Variants in ARMC9 observed in about 807,000 individuals in gnomAD.
ARMC9 encodes armadillo repeat containing 9, also known as lisH domain-containing protein ARMC9.
A neutral mutation model predicts 107.0 loss-of-function variants in ARMC9; 94 were observed. That is an observed-to-expected ratio of 0.88 (90% CI 0.74 to 1.04). ARMC9 has a LOEUF of 1.04. ARMC9 is among the 50% of genes least tolerant of loss of function. The pLI is 0.00. For missense variants in ARMC9, 942 were observed against 1,030.1 expected (o/e 0.91, Z 1.17); for synonymous variants, 380 against 396.9 (o/e 0.96, Z 0.51).
chr2:231,208,968 C>T (rs190067366), intron 3 of ARMC9, among the ~76,000 whole-genome samples: 2 of 152,178 alleles, frequency 1.3e-5, no homozygotes, highest in African/African-American at 2.4e-5. Context: ...GTGGTACGAT[C>T]TCGGCTCATC....
intron 23 of ARMC9, among the ~76,000 whole-genome samples, chr2:231,368,883 A>G (rs576602667): frequency 6.6e-6 from 1 of 152,174 alleles, no homozygotes; most frequent in Non-Finnish European, 1.5e-5. Flanking sequence ...TTGGCCTCCC[A>G]AAGTGCTGGG....
intron 19 of ARMC9, among the ~76,000 whole-genome samples, chr2:231,303,828 T>C (rs2125498822): frequency 6.6e-6 from 1 of 152,172 alleles, no homozygotes; most frequent in South Asian, 2.1e-4. Flanking sequence ...TCCTAGCTAC[T>C]CAGAGGCTGA....
chr2:231,358,350 A>AATTG lies in ARMC9; in HGVS notation c.2132-2375_2132-2372dup, dbSNP rs143556558. ...CTTCTCCATCCCTCCCCTCCACTTCAATTGATTGATTGATTGATTGATTGA... is the reference window on the plus strand; with the variant it reads ...CTTCTCCATCCCTCCCCTCCACTTCAATTGATTGATTGATTGATTGATTGATTGA... On this transcript the variant is annotated intron_variant, in intron 22 of 24. Transcript: ENST00000611582. This position sits in a 1 kb window ranked among gnomAD's most constrained non-coding sequence, Gnocchi z 4.5. Among the ~76,000 whole-genome samples, 6,835 of 151,036 alleles carry AATTG rather than the reference A, an allele frequency of 0.045. 205 individuals carry two copies. The highest frequency in any genetic ancestry group is 0.07 in the African/African-American group (2,848 of 40,764).
rs146188838 is a variant in ARMC9, at chr2:231,226,969, G to A, written c.622+171G>A. Among the ~76,000 whole-genome samples the A allele has an allele frequency of 4.5e-3, 683 of 152,194 alleles. 3 individuals carry two copies. Among genetic ancestry groups the A allele is most frequent in the African/African-American group, 0.015 (643 of 41,536 alleles). On this transcript the variant is annotated intron_variant, in intron 7 of 24. Transcript: ENST00000611582. ...CTGCAGTTCCTTGAGGCCCATTTTC[G>A]GGAGGGCTGGTATTGTTAGCTTCGT...
intron 19 of ARMC9, among the ~76,000 whole-genome samples, chr2:231,322,187 G>A (rs971519087): frequency 6.6e-6 from 1 of 152,256 alleles, no homozygotes; most frequent in Non-Finnish European, 1.5e-5. Context: ...CAAGGATCCC[G>A]GACGTGCTTC....
At chr2:231,311,985 T>TA (rs2042379791) in intron 19 of ARMC9, among the ~76,000 whole-genome samples, 1 of 152,092 alleles carries the variant, frequency 6.6e-6, no homozygotes, top group African/African-American at 2.4e-5. Flanking sequence ...TAAATGGAGT[T>TA]ATTCAGTATA....
chr2:231,259,029 A>T lies in ARMC9; in HGVS notation c.953A>T (p.Tyr318Phe), dbSNP rs959929161. Residue 318 changes from tyrosine (Y) to phenylalanine (F), a missense_variant, in exon 11 of 25, where the codon TAT (tyrosine) becomes TTT (phenylalanine). Physicochemically the swap from Tyr to Phe is conservative, Grantham distance 22 (BLOSUM62 3). Coordinates refer to ENST00000611582, the MANE Select transcript of ARMC9 (RefSeq NM_001352754.2). ...GTCCCATTACTGCCCTCCTTGGATT[A>T]TGAGAAACTGAAGAAGGATTTGATT... ...KDVPLLPSLD[Y>F]EKLKKDLILG... 2 of 1,614,056 alleles carry T rather than the reference A, an allele frequency of 1.2e-6. No individual in the cohort carries two copies. Among genetic ancestry groups the T allele is most frequent in the African/African-American group, 2.7e-5 (2 of 74,940 alleles).
intron 12 of ARMC9, among the ~76,000 whole-genome samples, chr2:231,265,407 A>G (rs1376356313): frequency 6.6e-6 from 1 of 152,116 alleles, no homozygotes; most frequent in East Asian, 1.9e-4. Flanking sequence ...ATGAGATACC[A>G]CTCAGCCATA....
chr2:231,365,853 C>T (rs2045794964), intron 23 of ARMC9, among the ~76,000 whole-genome samples: 1 of 152,092 alleles, frequency 6.6e-6, no homozygotes, highest in Non-Finnish European at 1.5e-5. Flanking sequence ...GGCTGGAGTG[C>T]AGTGGCACGA....
rs113227472 is a variant in ARMC9, at chr2:231,270,969, C to T, written c.1120-13C>T. 54 of 1,612,662 alleles carry T rather than the reference C, an allele frequency of 3.3e-5. No homozygotes were observed. The highest frequency in any genetic ancestry group is 3.3e-4 in the Middle Eastern group (2 of 6,060). On this transcript the variant is annotated splice_polypyrimidine_tract_variant and intron_variant, in intron 12 of 24. Transcript: ENST00000611582. ...TTCTTAACCTTGTTTTTCCTCTTGA[C>T]GTTTTCCCCCAGAGGAGTGTGCTTC...
chr2:231,342,422 T>C (rs1221808511), intron 20 of ARMC9, among the ~76,000 whole-genome samples: 5 of 152,110 alleles, frequency 3.3e-5, no homozygotes, highest in Admixed American at 1.3e-4. Flanking sequence ...CAGGAAGACA[T>C]TGGGAGGAGC....
intron 22 of ARMC9, among the ~76,000 whole-genome samples, chr2:231,356,380 C>T (rs1285062004): frequency 6.6e-6 from 1 of 152,164 alleles, no homozygotes; most frequent in Non-Finnish European, 1.5e-5. Context: ...AAACTTCCAG[C>T]TGAGTTAACC....
intron 19 of ARMC9, among the ~76,000 whole-genome samples, chr2:231,310,706 T>C (rs552179766): frequency 1.3e-5 from 2 of 150,782 alleles, no homozygotes; most frequent in East Asian, 1.9e-4. Context: ...GCCATTGCAC[T>C]CCAGCCTGGG....
At chr2:231,305,946 T>G (rs1209489240) in intron 19 of ARMC9, among the ~76,000 whole-genome samples, 1 of 152,220 alleles carries the variant, frequency 6.6e-6, no homozygotes, top group Non-Finnish European at 1.5e-5. Flanking sequence ...AGTCAAATTC[T>G]TTTTCATTAA....
At chr2:231,330,414 A>G (rs1456908888) in intron 19 of ARMC9, among the ~76,000 whole-genome samples, 2 of 152,112 alleles carry the variant, frequency 1.3e-5, no homozygotes, top group African/African-American at 4.8e-5. Flanking sequence ...CTCCCTGCCT[A>G]GAAGGGACGA....
intron 19 of ARMC9, among the ~76,000 whole-genome samples, chr2:231,308,757 G>C (rs2042173667): frequency 6.6e-6 from 1 of 152,206 alleles, no homozygotes; most frequent in Non-Finnish European, 1.5e-5. Context: ...TACTGTTGAG[G>C]GTTTGGGGCC....
intron 19 of ARMC9, among the ~76,000 whole-genome samples, chr2:231,329,883 T>C (rs1429941885): frequency 6.6e-6 from 1 of 152,210 alleles, no homozygotes; most frequent in African/African-American, 2.4e-5. Flanking sequence ...AGTCATATTA[T>C]GTGCAAATAG....
intron 21 of ARMC9, among the ~76,000 whole-genome samples, chr2:231,355,484 C>T (rs1254568542): frequency 6.6e-6 from 1 of 152,200 alleles, no homozygotes; most frequent in African/African-American, 2.4e-5. Context: ...CCGTGCCTTA[C>T]GTTGTTTGCT....
chr2:231,352,971 A>T lies in ARMC9; in HGVS notation c.1995-2827A>T, dbSNP rs150795182. Among the ~76,000 whole-genome samples the T allele has an allele frequency of 7.9e-4, 111 of 140,492 alleles. 2 individuals are homozygous for T. The highest frequency in any genetic ancestry group is 4.8e-3 in the Admixed American group (72 of 15,078). 92.2% of individuals were successfully genotyped at this position (140,492 alleles called of 152,430 possible). On this transcript the variant is annotated intron_variant, in intron 21 of 24. Transcript: ENST00000611582. ...AATCCCAGCACTTTGGGAGGCCAAG[A>T]TGGGCAGATCACAAGGTCAAGAGAC... is the stretch of plus-strand genomic sequence containing the variant.
Sources: gnomAD v4.1 joint callset for allele counts (sites outside exome capture counted in the v4.1 genomes callset) on GRCh38, gnomAD v4.1.1 for gene constraint, Gnocchi (gnomAD v3.1) non-coding constraint, MANE v1.5 for transcripts, NCBI Gene and HGNC (gene_info 2026-07-23, HGNC 2026-07-21) for gene names.